The following ALAS1 variants were observed in gnomAD, a reference collection of about 807,000 sequenced individuals.
ALAS1 encodes the protein 5-aminolevulinate synthase, non-specific, mitochondrial.
A neutral mutation model predicts 59.6 loss-of-function variants in ALAS1; 29 were observed. That is an observed-to-expected ratio of 0.49 (90% CI 0.36 to 0.66). ALAS1 has a LOEUF of 0.66. Ranked by LOEUF, ALAS1 falls within the 30% of genes least tolerant of loss-of-function variation. ALAS1 has a pLI of 0.00. For synonymous variants in ALAS1, 299 were observed against 296.6 expected (o/e 1.01, Z -0.08); for missense variants, 690 against 807.5 (o/e 0.85, Z 1.76).
chr3:52,200,106 G>A (rs772107686), intron 3 of ALAS1, among the ~76,000 whole-genome samples: 1 of 152,242 alleles, frequency 6.6e-6, no homozygotes, highest in South Asian at 2.1e-4. Flanking sequence ...GTGAGCCACC[G>A]TGCCCGGCCC....
intron 9 of ALAS1, among the ~76,000 whole-genome samples, chr3:52,210,117 C>T (rs1699375735): frequency 6.6e-6 from 1 of 152,224 alleles, no homozygotes; most frequent in Non-Finnish European, 1.5e-5. Flanking sequence ...TAGGAAATAA[C>T]ACCAGTCATA....
At chr3:52,211,261 T>C in intron 9 of ALAS1, 22 bp from the exon 10 acceptor site, 2 of 1,607,444 alleles carry the variant, frequency 1.2e-6, no homozygotes, top group Non-Finnish European at 1.7e-6. Context: ...TTGCTGTAAT[T>C]AATGAAGCTA....
chr3:52,209,015 CA>C (rs1327741163), intron 9 of ALAS1, among the ~76,000 whole-genome samples: 1 of 152,158 alleles, frequency 6.6e-6, no homozygotes, highest in Non-Finnish European at 1.5e-5. Flanking sequence ...ACCCATCTAG[CA>C]GTTAGCTAAA....
rs1699110995 is a variant in ALAS1 at position 52,198,271 on chromosome 3, G to GTA, written c.-210+17_-210+18dup. ...CTCAGCGCAGGTGAGGGCCCGCGCG[G>GTA]TAGGTGCGGCGCCGGCCGAGGAAGC... On this transcript the variant is annotated intron_variant, in intron 1 of 11. Transcript: ENST00000484952. The GTA allele has an allele frequency of 2.5e-6, 1 of 402,338 alleles. No homozygotes were observed. Among genetic ancestry groups the GTA allele is most frequent in the African/African-American group, 2.1e-5 (1 of 48,626 alleles). The allele number at this position is 402,338 out of a possible 1,614,324, so 24.9% of individuals were successfully genotyped here.
At chr3:52,211,598 A>G in intron 10 of ALAS1, 47 bp downstream of exon 10, 1 of 1,601,836 alleles carries the variant, frequency 6.2e-7, no homozygotes, top group Non-Finnish European at 8.5e-7. Context: ...GTGCCTCTAC[A>G]CATGATGTAC....
At chr3:52,203,794 T>C (rs1699237972) in intron 4 of ALAS1, 69 bp from the exon 5 acceptor site, 2 of 1,483,726 alleles carry the variant, frequency 1.3e-6, no homozygotes, top group South Asian at 2.8e-5. Flanking sequence ...TTTGACAATA[T>C]GTTTGGAAGA....
intron 9 of ALAS1, among the ~76,000 whole-genome samples, chr3:52,210,423 T>C (rs1194812880): frequency 6.6e-6 from 1 of 152,210 alleles, no homozygotes; most frequent in African/African-American, 2.4e-5. Flanking sequence ...AGACACCAGC[T>C]TGGCCATATG....
At chr3:52,198,922 T>C (rs1699127776) in intron 2 of ALAS1, 74 bp downstream of exon 2, 3 of 1,477,542 alleles carry the variant, frequency 2.0e-6, no homozygotes, top group Non-Finnish European at 2.7e-6. Flanking sequence ...GTTCTTGACC[T>C]TTCCCTCATC....
At chr3:52,200,728 G>T (rs1300684811) in intron 3 of ALAS1, among the ~76,000 whole-genome samples, 1 of 152,206 alleles carries the variant, frequency 6.6e-6, no homozygotes, top group Non-Finnish European at 1.5e-5. Flanking sequence ...ATTTGTTGTT[G>T]TTGTTTTTAA....
chr3:52,209,765 C>T (rs1699368320), intron 9 of ALAS1, among the ~76,000 whole-genome samples: 1 of 152,142 alleles, frequency 6.6e-6, no homozygotes, highest in African/African-American at 2.4e-5. Flanking sequence ...CTGCAGCCTC[C>T]ACCTCCTGGG....
chr3:52,198,376 C>A, intron 1 of ALAS1, 121 bp downstream of exon 1: 1 of 423,288 alleles, frequency 2.4e-6, no homozygotes, highest in South Asian at 7.8e-5. Flanking sequence ...CACCCGCCGC[C>A]TTGAGGTCAG....
At chr3:52,198,133 T>C, upstream of ALAS1, 1 of 398,314 alleles carries the variant, frequency 2.5e-6, no homozygotes, top group Non-Finnish European at 4.4e-6. Flanking sequence ...TCCCGCTGTA[T>C]ATTAAGGCGC....
rs1438686996 is a variant in ALAS1 at position 52,203,963 on chromosome 3, G to A, written c.528G>A (p.Lys176=). 1 of 1,613,050 alleles carries A rather than the reference G, an allele frequency of 6.2e-7. No homozygotes were observed. The highest frequency in any genetic ancestry group is 8.5e-7 in the Non-Finnish European group (1 of 1,179,484). The part of the protein sequence containing the change: ...LLKNFQDIMQ[K]QRPERVSHLL... ...AGAACTTCCAGGACATCATGCAAAA[G>A]CAAAGACCAGAAAGAGTGTCTCATC... Residue 176 remains lysine (K), a synonymous_variant, in exon 5 of 12, where the codon AAG becomes AAA. Coordinates refer to ENST00000484952, the MANE Select transcript of ALAS1 (RefSeq NM_000688.6).
rs1053786097 is a variant in ALAS1 at position 52,199,592 on chromosome 3, T to G, written c.199+152T>G. 16 of 746,058 alleles carry G rather than the reference T, an allele frequency of 2.1e-5. No homozygotes were observed. The African/African-American group carries it at 2.8e-4, about 13-fold the overall frequency. 46.2% of individuals were successfully genotyped at this position (746,058 alleles called of 1,614,324 possible). ...TCTGAGCACAGATTATCTCATATGA[T>G]TGTCCCCCCAAGGGTAGGCACTTTT... is the stretch of plus-strand genomic sequence containing the variant. On this transcript the variant is annotated intron_variant, in intron 3 of 11. Coordinates refer to ENST00000484952, the MANE Select transcript of ALAS1 (RefSeq NM_000688.6).
intron 8 of ALAS1, among the ~76,000 whole-genome samples, chr3:52,207,073 G>A (rs562826616): frequency 3.4e-5 from 5 of 147,746 alleles, no homozygotes; most frequent in Non-Finnish European, 5.9e-5. Context: ...GCGTGATCTC[G>A]GCTCACTGCA....
chr3:52,206,481 C>A, intron 7 of ALAS1, 91 bp from the exon 8 acceptor site: 1 of 1,410,978 alleles, frequency 7.1e-7, no homozygotes, highest in Non-Finnish European at 9.8e-7. Flanking sequence ...ATTTTCAAAG[C>A]ATCATTTCCA....
chr3:52,211,131 T>C, intron 9 of ALAS1, 152 bp from the exon 10 acceptor site: 2 of 758,570 alleles, frequency 2.6e-6, no homozygotes, highest in Non-Finnish European at 4.2e-6. Context: ...TGAGACATCA[T>C]TAATGTGGTG....
chr3:52,207,951 AG>A, intron 8 of ALAS1, 131 bp from the exon 9 acceptor site: 2 of 1,007,826 alleles, frequency 2.0e-6, no homozygotes, highest in Non-Finnish European at 2.7e-6. Flanking sequence ...TAGAAATTAG[AG>A]GAAGTTCATT....
At chr3:52,201,214 A>G (rs1156691349) in intron 3 of ALAS1, among the ~76,000 whole-genome samples, 2 of 152,236 alleles carry the variant, frequency 1.3e-5, no homozygotes, top group Non-Finnish European at 2.9e-5. Context: ...AATTTGCTCA[A>G]GGGGAGAGGG....
Sources: allele counts gnomAD v4.1 joint callset (sites outside exome capture counted in the v4.1 genomes callset), GRCh38; gene constraint gnomAD v4.1.1; transcripts MANE v1.5; gene names NCBI Gene and HGNC (gene_info 2026-07-23, HGNC 2026-07-21).